Variants in CDH22 observed in about 807,000 individuals in gnomAD.
CDH22 encodes cadherin-22.
CDH22 carries 30 observed loss-of-function variants against 58.4 expected under a neutral mutation model. The observed-to-expected ratio is 0.51, with a 90% CI of 0.38 to 0.70. CDH22 has a LOEUF of 0.70. CDH22 is among the 30% of genes least tolerant of loss of function. The pLI is 0.00. For synonymous variants in CDH22, 513 were observed against 558.2 expected (o/e 0.92, Z 1.14); for missense variants, 1,014 against 1,233.9 (o/e 0.82, Z 2.67).
chr20:46,233,486 C>T (rs904623289), intron 3 of CDH22, among the ~76,000 whole-genome samples: 1 of 152,238 alleles, frequency 6.6e-6, no homozygotes, highest in Non-Finnish European at 1.5e-5. Context: ...TCCTTCTACT[C>T]ATGGCAGAAA....
intron 1 of CDH22, among the ~76,000 whole-genome samples, chr20:46,304,971 A>G (rs905478321): frequency 3.3e-5 from 5 of 152,178 alleles, no homozygotes; most frequent in Admixed American, 1.3e-4. Flanking sequence ...GGAGCTTAAA[A>G]TAGATTTCAG....
intron 3 of CDH22, among the ~76,000 whole-genome samples, chr20:46,236,946 G>A (rs1219281338): frequency 6.6e-6 from 1 of 152,144 alleles, no homozygotes; most frequent in East Asian, 1.9e-4. Flanking sequence ...ACCGGCCTTG[G>A]CCTCCCAAAG....
chr20:46,221,280 CTTTT>C (rs67025636), intron 4 of CDH22, among the ~76,000 whole-genome samples: 1 of 122,624 alleles, frequency 8.2e-6, no homozygotes, highest in Non-Finnish European at 1.7e-5. Flanking sequence ...TTTTTTTTTT[CTTTT>C]TTTTTTTTTT....
At chr20:46,265,087 A>T (rs1294640142) in intron 1 of CDH22, among the ~76,000 whole-genome samples, 2 of 152,140 alleles carry the variant, frequency 1.3e-5, no homozygotes, top group African/African-American at 2.4e-5. Flanking sequence ...CATCATGTTG[A>T]CAGTAGAAAT....
intron 4 of CDH22, among the ~76,000 whole-genome samples, chr20:46,223,192 C>T (rs1244528965): frequency 2.6e-5 from 4 of 152,166 alleles, no homozygotes; most frequent in South Asian, 4.1e-4. Context: ...CCCCCAGGCC[C>T]GGTGGCCTCC....
At chr20:46,226,265 C>T (rs763123833) in intron 4 of CDH22, among the ~76,000 whole-genome samples, 2,007 of 7,194 alleles carry the variant, frequency 0.28, 240 homozygotes, top group African/African-American at 0.42. Context: ...TCTTCTTCTT[C>T]TTCTTCTTCT....
intron 1 of CDH22, among the ~76,000 whole-genome samples, chr20:46,268,261 C>G (rs1218722932): frequency 6.6e-6 from 1 of 152,258 alleles, no homozygotes; most frequent in Non-Finnish European, 1.5e-5. Context: ...CTGGGCTTAT[C>G]CAGCTGGGCC....
intron 1 of CDH22, among the ~76,000 whole-genome samples, chr20:46,279,910 A>AT (rs375969003): frequency 1.6e-4 from 24 of 152,176 alleles, no homozygotes; most frequent in African/African-American, 5.1e-4. Flanking sequence ...TTGACGGAGC[A>AT]TTTTTTTTAA....
At chr20:46,193,890 A>C (rs1399807911) in intron 8 of CDH22, among the ~76,000 whole-genome samples, 2 of 152,142 alleles carry the variant, frequency 1.3e-5, no homozygotes, top group African/African-American at 4.8e-5. Flanking sequence ...GCTGGTGCTC[A>C]TGCCTGTAAT....
At chr20:46,213,966 G>A (rs2086063185) in intron 5 of CDH22, among the ~76,000 whole-genome samples, 1 of 152,184 alleles carries the variant, frequency 6.6e-6, no homozygotes, top group East Asian at 1.9e-4. Context: ...ATAAAGCAGG[G>A]AAGGTGTGGG....
intron 3 of CDH22, among the ~76,000 whole-genome samples, chr20:46,232,992 C>G (rs993368151): frequency 1.3e-5 from 2 of 152,114 alleles, no homozygotes; most frequent in African/African-American, 4.8e-5. Context: ...AAAGAAGGGT[C>G]AGAGGGACAG....
At chr20:46,178,287 C>T (rs1359010447) in intron 10 of CDH22, 90 bp from the exon 11 acceptor site, 13 of 1,414,058 alleles carry the variant, frequency 9.2e-6, no homozygotes, top group Non-Finnish European at 1.2e-5. Context: ...GTGAGATTTG[C>T]CTCCCTATGC....
chr20:46,191,527 C>T (rs1180691494), intron 8 of CDH22, among the ~76,000 whole-genome samples: 1 of 152,180 alleles, frequency 6.6e-6, no homozygotes, highest in African/African-American at 2.4e-5. Context: ...AGAATGGCAA[C>T]AAACACACAT....
In CDH22 at chr20:46,251,214, C is replaced by T; in HGVS notation, c.81G>A (p.Pro27=). Residue 27 remains proline, a synonymous_variant, in exon 2 of 12, where the codon CCG becomes CCA. Coordinates refer to ENST00000537909, the MANE Select transcript of CDH22 (RefSeq NM_021248.3). The surrounding 1 kb of genome is among the most constrained non-coding windows in gnomAD (Gnocchi z 6.7). ...GGCGCCCCAGCAGCGTCGGCGGCGG[C>T]GGCAGCAGCAGCAGCAGCAGTAGCG... ...SPALLLLLLL[P]PPPTLLGRLW... 3 of 1,467,158 alleles carry T rather than the reference C, an allele frequency of 2.0e-6. No individual in the cohort carries two copies. Among genetic ancestry groups the T allele is most frequent in the Admixed American group, 2.8e-5 (1 of 35,784 alleles). The allele number at this position is 1,467,158 out of a possible 1,614,324, so 90.9% of individuals were successfully genotyped here. A position where few individuals can be genotyped will look rare whatever the true frequency, so the allele number is the denominator to read the frequency against.
intron 5 of CDH22, 43 bp from the exon 6 acceptor site, chr20:46,213,231 TCCC>T (rs772815149): frequency 1.3e-6 from 2 of 1,547,918 alleles, no homozygotes; most frequent in East Asian, 4.5e-5. Flanking sequence ...GGCAGCCCCT[TCCC>T]CAGCCTCTGC....
Position 46,174,424 on chromosome 20 carries a change from T to C in CDH22, c.*82A>G. 1.0e-6 allele frequency: 1 copy of C among 993,882 alleles called. No homozygotes were observed. Among genetic ancestry groups the C allele is most frequent in the Non-Finnish European group, 1.4e-6 (1 of 721,940 alleles). The allele number at this position is 993,882 out of a possible 1,614,324, so 61.6% of individuals were successfully genotyped here. On this transcript the variant is annotated 3_prime_UTR_variant, in exon 12 of 12. Coordinates refer to ENST00000537909, the MANE Select transcript of CDH22 (RefSeq NM_021248.3). This position sits in a 1 kb window ranked among gnomAD's most constrained non-coding sequence, Gnocchi z 4.4. ...GGTTGGGGGAGGGCAGGAAAGGGGG[T>C]CCGCGGGGGAAACGCGTTGTCCTGG...
intron 2 of CDH22, among the ~76,000 whole-genome samples, chr20:46,247,762 C>T (rs1330562090): frequency 1.3e-5 from 2 of 152,156 alleles, no homozygotes; most frequent in African/African-American, 4.8e-5. Context: ...TAACCACACA[C>T]AATGCCACCT....
chr20:46,180,935 T>A (rs937246627), intron 10 of CDH22, among the ~76,000 whole-genome samples: 5 of 149,902 alleles, frequency 3.3e-5, no homozygotes, highest in Middle Eastern at 6.8e-3. Context: ...TTTGTGTGTG[T>A]GTGTGTGTGT....
intron 1 of CDH22, among the ~76,000 whole-genome samples, chr20:46,279,152 G>C (rs1299342303): frequency 1.3e-5 from 2 of 152,136 alleles, no homozygotes; most frequent in African/African-American, 4.8e-5. Context: ...TTACTGCAAG[G>C]GCTGAATGAG....
Sources: gnomAD v4.1 joint callset for allele counts (sites outside exome capture counted in the v4.1 genomes callset) on GRCh38, gnomAD v4.1.1 for gene constraint, Gnocchi (gnomAD v3.1) non-coding constraint, MANE v1.5 for transcripts, NCBI Gene and HGNC (gene_info 2026-07-23, HGNC 2026-07-21) for gene names.